GPC5: variants seen among roughly 807,000 people sequenced by gnomAD.
GPC5 encodes the protein glypican 5, also known as glypican-5.
Under a neutral mutation model 53.9 loss-of-function variants are expected in GPC5, and 47 were observed. The observed-to-expected ratio is 0.87, with a 90% CI of 0.69 to 1.11. GPC5 has a LOEUF of 1.11. Among genes scored for constraint, GPC5 ranks in the 50% most tolerant of loss-of-function variants. The probability of loss-of-function intolerance (pLI) is 0.00; values close to 1 mark genes in which losing one functional copy is unlikely to be tolerated. For synonymous variants in GPC5, 286 were observed against 263.3 expected, an observed-to-expected ratio of 1.09 and a Z score of -0.84; for missense variants, 748 against 713.1, an observed-to-expected ratio of 1.05 and a Z score of -0.56.
At position 92,252,838 on chromosome 13, in the gene GPC5, T is replaced by A. The variant is rs571749193; in HGVS notation, c.1561+107849T>A. Reference sequence around the variant, plus strand: ...AAACAATTACAAATGTCATTTTCTCTGGGCCTCATTCTTTCAGTCAATAAA... The same window carrying A: ...AAACAATTACAAATGTCATTTTCTCAGGGCCTCATTCTTTCAGTCAATAAA... On this transcript the variant is annotated intron_variant, in intron 7 of 7. Transcript: ENST00000377067. Among the ~76,000 whole-genome samples the A allele has an allele frequency of 3.9e-5, 6 of 152,282 alleles. No homozygotes were observed. The South Asian group carries it at 1.2e-3, about 32-fold the overall frequency.
intron 7 of GPC5, among the ~76,000 whole-genome samples, chr13:92,622,112 T>C (rs1250999164): frequency 6.6e-6 from 1 of 152,184 alleles, no homozygotes; most frequent in African/African-American, 2.4e-5. Context: ...TCCAGCCCTC[T>C]GGCTCTGGTT....
intron 4 of GPC5, among the ~76,000 whole-genome samples, chr13:91,752,715 T>C (rs2037205450): frequency 6.6e-6 from 1 of 152,208 alleles, no homozygotes; most frequent in Non-Finnish European, 1.5e-5. Flanking sequence ...ATTATTTCAG[T>C]CACTACCTGT....
chr13:92,572,827 T>C (rs1003757067), intron 7 of GPC5, among the ~76,000 whole-genome samples: 10 of 152,184 alleles, frequency 6.6e-5, no homozygotes, highest in African/African-American at 1.7e-4. Flanking sequence ...TCAACCATTT[T>C]ACTAGGGGGA....
intron 5 of GPC5, among the ~76,000 whole-genome samples, chr13:91,869,627 A>T (rs563384807): frequency 5.9e-5 from 9 of 152,278 alleles, no homozygotes; most frequent in Non-Finnish European, 1.2e-4. Flanking sequence ...ATGAAATCCA[A>T]GTGCTTATTT....
intron 5 of GPC5, among the ~76,000 whole-genome samples, chr13:91,802,570 G>A (rs1015552435): frequency 2.0e-5 from 3 of 152,144 alleles, no homozygotes; most frequent in Admixed American, 6.6e-5. Flanking sequence ...CCCCACCCAT[G>A]TCCTGCTGAT....
chr13:92,415,854 G>GA (rs934759764), intron 7 of GPC5, among the ~76,000 whole-genome samples: 3 of 152,118 alleles, frequency 2.0e-5, no homozygotes, highest in African/African-American at 7.2e-5. Flanking sequence ...AATGAACACA[G>GA]AAAAAATACC....
intron 2 of GPC5, among the ~76,000 whole-genome samples, chr13:91,561,340 C>T (rs577187182): frequency 7.8e-4 from 118 of 152,206 alleles, no homozygotes; most frequent in African/African-American, 2.8e-3. Context: ...AACTCTACCC[C>T]AATAGCAAAC....
intron 7 of GPC5, among the ~76,000 whole-genome samples, chr13:92,671,221 A>T (rs865801239): frequency 6.6e-6 from 1 of 151,982 alleles, no homozygotes; most frequent in Non-Finnish European, 1.5e-5. Flanking sequence ...TAAAAAAAAC[A>T]TTCCGAAATA....
intron 5 of GPC5, among the ~76,000 whole-genome samples, chr13:91,842,594 T>C (rs932809313): frequency 1.4e-5 from 2 of 146,916 alleles, no homozygotes; most frequent in Admixed American, 7.0e-5. Flanking sequence ...CCCAGCTACT[T>C]GGGAGGCTGA....
At chr13:92,248,727 G>T (rs1438556893) in intron 7 of GPC5, among the ~76,000 whole-genome samples, 1 of 152,038 alleles carries the variant, frequency 6.6e-6, no homozygotes, top group East Asian at 1.9e-4. Flanking sequence ...CCTGCAAAAG[G>T]CATAAGGCCG....
intron 5 of GPC5, among the ~76,000 whole-genome samples, chr13:91,846,086 C>T (rs1437395712): frequency 6.6e-6 from 1 of 152,124 alleles, no homozygotes; most frequent in Non-Finnish European, 1.5e-5. Flanking sequence ...ACATATGGGA[C>T]ACTTTCTTTG....
chr13:92,201,068 A>G (rs1319984675), intron 7 of GPC5, among the ~76,000 whole-genome samples: 1 of 151,874 alleles, frequency 6.6e-6, no homozygotes, highest in Non-Finnish European at 1.5e-5. Flanking sequence ...CTTCCCTATC[A>G]TTAAGGATAT....
At position 92,527,225 on chromosome 13, in the gene GPC5, GAA is replaced by G. The variant is rs1206347766; in HGVS notation, c.1562-339055_1562-339054del. Among the ~76,000 whole-genome samples the G allele has an allele frequency of 2.7e-4, 10 of 37,640 alleles. 1 individual carries two copies. The highest frequency in any genetic ancestry group is 1.4e-3 in the African/African-American group (8 of 5,532). The allele number at this position is 37,640 out of a possible 152,430, so 24.7% of individuals were successfully genotyped here. Reference sequence around the variant, plus strand: ...AGAAAGAAAGAAAGAAAGAAAGAAAGAAAGAAAGAAAGAAAGAAAGAAAGAGA... The same window carrying G: ...AGAAAGAAAGAAAGAAAGAAAGAAAGAGAAAGAAAGAAAGAAAGAAAGAGA... On this transcript the variant is annotated intron_variant, in intron 7 of 7. Coordinates refer to ENST00000377067, the MANE Select transcript of GPC5 (RefSeq NM_004466.6).
chr13:92,082,322 A>G (rs980665388), intron 6 of GPC5, among the ~76,000 whole-genome samples: 1 of 152,096 alleles, frequency 6.6e-6, no homozygotes, highest in African/African-American at 2.4e-5. Context: ...CAACCCCAAA[A>G]CTTAATTTGG....
chr13:92,486,887 G>A (rs559448602), intron 7 of GPC5, among the ~76,000 whole-genome samples: 7 of 150,424 alleles, frequency 4.7e-5, no homozygotes, highest in South Asian at 2.1e-4. Flanking sequence ...ATGGAGTCTC[G>A]CTCTATGGCC....
intron 7 of GPC5, among the ~76,000 whole-genome samples, chr13:92,314,089 G>C (rs1396107936): frequency 6.6e-6 from 1 of 152,152 alleles, no homozygotes; most frequent in Non-Finnish European, 1.5e-5. Flanking sequence ...GGTTTTGTGA[G>C]ACAAATGGAG....
At chr13:92,117,672 GTTAAAA>G (rs1209612512) in intron 6 of GPC5, among the ~76,000 whole-genome samples, 62 of 152,106 alleles carry the variant, frequency 4.1e-4, no homozygotes, top group African/African-American at 1.3e-3. Flanking sequence ...TTTTGTAGCT[GTTAAAA>G]TACCAATTGT....
intron 2 of GPC5, among the ~76,000 whole-genome samples, chr13:91,620,565 AT>A (rs2033826112): frequency 1.3e-5 from 2 of 152,122 alleles, no homozygotes; most frequent in African/African-American, 4.8e-5. Flanking sequence ...TGTCAGATTC[AT>A]TTGTTCACAT....
chr13:91,538,581 ATTT>A (rs11374916), intron 2 of GPC5, among the ~76,000 whole-genome samples: 1 of 129,218 alleles, frequency 7.7e-6, no homozygotes, highest in Non-Finnish European at 1.6e-5. Flanking sequence ...ATTGCAAATA[ATTT>A]TTTTTTTTTT....
Sources: gnomAD v4.1 joint callset for allele counts (sites outside exome capture counted in the v4.1 genomes callset) on GRCh38, gnomAD v4.1.1 for gene constraint, MANE v1.5 for transcripts, NCBI Gene and HGNC (gene_info 2026-07-23, HGNC 2026-07-21) for gene names.